BCO2: variants seen among roughly 807,000 people sequenced by gnomAD.
The protein encoded by BCO2 is beta-carotene oxygenase 2.
BCO2 carries 56 observed loss-of-function variants against 65.8 expected under a neutral mutation model. The ratio of observed to expected loss-of-function variants is 0.85; its 90% CI spans 0.69 to 1.06. BCO2 has a LOEUF of 1.06. Among genes scored for constraint, BCO2 ranks in the 50% least tolerant of loss-of-function variants. The pLI is 0.00. For missense variants in BCO2, 675 were observed against 698.5 expected (o/e 0.97, Z 0.38); for synonymous variants, 233 against 242.3 (o/e 0.96, Z 0.36).
intron 2 of BCO2, among the ~76,000 whole-genome samples, chr11:112,190,995 T>C (rs536710600): frequency 2.0e-5 from 3 of 150,418 alleles, no homozygotes; most frequent in African/African-American, 7.3e-5. Flanking sequence ...AAATATCTTA[T>C]GTATCTCTAT....
At chr11:112,196,284 G>A (rs1275511145) in intron 5 of BCO2, among the ~76,000 whole-genome samples, 1 of 151,486 alleles carries the variant, frequency 6.6e-6, no homozygotes, top group African/African-American at 2.4e-5. Flanking sequence ...TGATTATTTG[G>A]TTCAGTGAGA....
In BCO2 at chr11:112,175,698, T is replaced by A; in HGVS notation, c.88+9T>A. On this transcript the variant is annotated intron_variant, in intron 1 of 11. Transcript: ENST00000357685. ...GGTGCACCGGCTCCCAGGTAGAGGG[T>A]TTGCCCCTTTCTCTTCCTCATCCTC... 1 of 1,608,538 alleles carries A rather than the reference T, an allele frequency of 6.2e-7. No individual in the cohort carries two copies. The highest frequency in any genetic ancestry group is 1.7e-5 in the Admixed American group (1 of 60,010).
chr11:112,199,929 T>A, intron 6 of BCO2, 102 bp downstream of exon 6: 1 of 1,359,284 alleles, frequency 7.4e-7, no homozygotes, highest in Non-Finnish European at 1.0e-6. Flanking sequence ...TATCACGCTA[T>A]GGTGATAATG....
At chr11:112,192,238 T>C (rs1867411704) in intron 2 of BCO2, among the ~76,000 whole-genome samples, 1 of 152,226 alleles carries the variant, frequency 6.6e-6, no homozygotes, top group South Asian at 2.1e-4. Flanking sequence ...AATGGTTCAT[T>C]CATGTTGTAA....
chr11:112,184,759 GC>G (rs1867156751), intron 2 of BCO2, among the ~76,000 whole-genome samples: 1 of 152,130 alleles, frequency 6.6e-6, no homozygotes, highest in Admixed American at 6.5e-5. Flanking sequence ...CAGAGGAAGG[GC>G]CTGTACCTCC....
chr11:112,209,137 C>T (rs1343648117), intron 8 of BCO2, among the ~76,000 whole-genome samples: 3 of 152,118 alleles, frequency 2.0e-5, no homozygotes, highest in Non-Finnish European at 4.4e-5. Flanking sequence ...ATGGTTAGGT[C>T]TGTGTTGTAC....
Position 112,181,216 on chromosome 11 carries a change from C to T in BCO2, c.293+1734C>T, listed in dbSNP as rs1457897258. ...TTTTTTTTTGAGACGGAGTCTCGCT[C>T]TGTCGCCCAGGCTGGAGTGCAGTGG... On this transcript the variant is annotated intron_variant, in intron 2 of 11. Coordinates refer to ENST00000357685, the MANE Select transcript of BCO2 (RefSeq NM_031938.7). The T allele has an allele frequency of 7.2e-5, 52 of 720,940 alleles. 1 individual carries two copies. Among genetic ancestry groups the T allele is most frequent in the Non-Finnish European group, 1.1e-4 (46 of 433,242 alleles). The allele number at this position is 720,940 out of a possible 1,614,324, so 44.7% of individuals were successfully genotyped here. A position where few individuals can be genotyped will look rare whatever the true frequency, so the allele number is the denominator to read the frequency against.
At chr11:112,192,925 G>GTTTTTTTT (rs71060229) in intron 2 of BCO2, among the ~76,000 whole-genome samples, 12,631 of 36,456 alleles carry the variant, frequency 0.35, 3,910 homozygotes, top group East Asian at 0.72. Flanking sequence ...AAAATGTGAG[G>GTTTTTTTT]TTTTTTTTTT....
At chr11:112,183,510 A>G (rs1285941498) in intron 2 of BCO2, among the ~76,000 whole-genome samples, 18 of 152,174 alleles carry the variant, frequency 1.2e-4, no homozygotes, top group Non-Finnish European at 1.2e-4. Flanking sequence ...AATAGGCATG[A>G]TGTGGAAATA....
rs576817518 is a variant in BCO2 at position 112,211,178 on chromosome 11, C to G, written c.1195-2546C>G. 7.9e-5 allele frequency among the ~76,000 whole-genome samples: 12 copies of G among 152,222 alleles called. No homozygotes were observed. The East Asian group carries it at 1.4e-3, about 17-fold the overall frequency. On this transcript the variant is annotated intron_variant, in intron 8 of 11. Coordinates refer to ENST00000357685, the MANE Select transcript of BCO2 (RefSeq NM_031938.7). ...TCTATGAATTTGCCTATTTTAGGTACTTCATGTAAGTGGGGTCATACAATA... is the reference window on the plus strand; with the variant it reads ...TCTATGAATTTGCCTATTTTAGGTAGTTCATGTAAGTGGGGTCATACAATA...
intron 2 of BCO2, chr11:112,180,871 T>C (rs1189854156): frequency 1.7e-5 from 18 of 1,085,202 alleles, no homozygotes; most frequent in Non-Finnish European, 2.6e-5. Flanking sequence ...TGGCCAGCAG[T>C]AAACTCGGCA....
intron 10 of BCO2, 136 bp from the exon 11 acceptor site, chr11:112,216,084 A>G (rs1443316847): frequency 1.5e-6 from 1 of 654,788 alleles, no homozygotes; most frequent in Non-Finnish European, 2.7e-6. Context: ...TGGGCTCAGC[A>G]CTCCAGCATG....
At chr11:112,186,316 G>A (rs187004949) in intron 2 of BCO2, among the ~76,000 whole-genome samples, 1 of 152,368 alleles carries the variant, frequency 6.6e-6, no homozygotes, top group Non-Finnish European at 1.5e-5. Context: ...GGGAGAAGTG[G>A]ATGGCATGGC....
chr11:112,201,983 T>G, intron 7 of BCO2, 40 bp from the exon 8 acceptor site: 1 of 1,508,742 alleles, frequency 6.6e-7, no homozygotes, highest in Non-Finnish European at 8.8e-7. Flanking sequence ...AGAAGAAAAC[T>G]AAAAAAAATT....
At position 112,202,210 on chromosome 11, in the gene BCO2, A is replaced by G. The variant is rs188577394; in HGVS notation, c.1194+20A>G. ...GATCAGGTAAACATTAGAATTTGTC[A>G]AGAGTCATCAAAATAATTTTGAACT... is the stretch of plus-strand genomic sequence containing the variant. On this transcript the variant is annotated intron_variant, in intron 8 of 11. Coordinates refer to ENST00000357685, the MANE Select transcript of BCO2 (RefSeq NM_031938.7). 22 of 1,584,998 alleles carry G rather than the reference A, an allele frequency of 1.4e-5. No homozygotes were observed. Among genetic ancestry groups the G allele is most frequent in the Admixed American group, 7.6e-5 (4 of 52,308 alleles).
chr11:112,202,327 G>A, intron 8 of BCO2, 137 bp downstream of exon 8: 2 of 803,928 alleles, frequency 2.5e-6, no homozygotes, highest in Admixed American at 3.2e-5. Context: ...GTGTCACCCA[G>A]GCTGGAGTGC....
chr11:112,210,111 A>G (rs908171048), intron 8 of BCO2, among the ~76,000 whole-genome samples: 9 of 152,204 alleles, frequency 5.9e-5, no homozygotes, highest in African/African-American at 1.7e-4. Context: ...AGGCAGATCT[A>G]CAGTTCTAGA....
intron 2 of BCO2, among the ~76,000 whole-genome samples, chr11:112,192,673 CTTTCT>C (rs1004311864): frequency 7.6e-6 from 1 of 131,702 alleles, no homozygotes; most frequent in Non-Finnish European, 1.7e-5. Context: ...CTTTTTCTTT[CTTTCT>C]TTTTTTTTTT....
intron 7 of BCO2, 25 bp from the exon 8 acceptor site, chr11:112,201,998 T>G (rs763939801): frequency 1.3e-6 from 2 of 1,526,280 alleles, no homozygotes; most frequent in Non-Finnish European, 1.8e-6. Flanking sequence ...AAAATTTTTT[T>G]CATTGTTTGT....
Sources: gnomAD v4.1 joint callset for allele counts (sites outside exome capture counted in the v4.1 genomes callset) on GRCh38, gnomAD v4.1.1 for gene constraint, MANE v1.5 for transcripts, NCBI Gene and HGNC (gene_info 2026-07-23, HGNC 2026-07-21) for gene names.